The following ATG5 variants were observed in gnomAD, a reference collection of about 807,000 sequenced individuals.
ATG5 encodes autophagy related 5.
ATG5 carries 14 observed loss-of-function variants against 36.5 expected under a neutral mutation model. That is an observed-to-expected ratio of 0.38 (90% CI 0.25 to 0.60). The LOEUF (loss-of-function observed/expected upper bound fraction) is 0.60, where lower values mean the gene tolerates loss of function less well. ATG5 is among the 20% of genes least tolerant of loss of function. The pLI is 0.60. For missense variants in ATG5, 195 were observed against 326.7 expected (o/e 0.60, Z 3.11); for synonymous variants, 95 against 101.5 (o/e 0.94, Z 0.38).
At chr6:106,190,992 C>A (rs965888778) in intron 7 of ATG5, among the ~76,000 whole-genome samples, 1 of 152,082 alleles carries the variant, frequency 6.6e-6, no homozygotes, top group Admixed American at 6.5e-5. Flanking sequence ...ACTTGAATTC[C>A]AGTTCTGGCA....
At chr6:106,208,685 A>G (rs1411779688) in intron 6 of ATG5, among the ~76,000 whole-genome samples, 1 of 152,224 alleles carries the variant, frequency 6.6e-6, no homozygotes, top group East Asian at 1.9e-4. Flanking sequence ...AACAACAACA[A>G]CAGCTAAGCT....
intron 5 of ATG5, among the ~76,000 whole-genome samples, chr6:106,265,138 T>C (rs1009619244): frequency 1.1e-4 from 16 of 142,348 alleles, no homozygotes; most frequent in East Asian, 8.2e-4. Context: ...AATAAAGAGA[T>C]TGAGGAATAT....
chr6:106,188,554 T>G (rs780714869), intron 7 of ATG5, among the ~76,000 whole-genome samples: 6 of 152,154 alleles, frequency 3.9e-5, no homozygotes, highest in Non-Finnish European at 7.4e-5. Flanking sequence ...TGGTAAACAA[T>G]CCACTGATGA....
intron 5 of ATG5, among the ~76,000 whole-genome samples, chr6:106,264,442 C>G (rs1213221102): frequency 2.6e-5 from 4 of 152,012 alleles, no homozygotes. Flanking sequence ...GGAGAACTTC[C>G]CCCACCAAGC....
chr6:106,219,880 T>TC (rs1317078831), intron 6 of ATG5, among the ~76,000 whole-genome samples: 1 of 152,162 alleles, frequency 6.6e-6, no homozygotes, highest in African/African-American at 2.4e-5. Context: ...AAATACGGTT[T>TC]CCAAATGTGT....
At chr6:106,281,010 G>A (rs1330190357) in intron 4 of ATG5, among the ~76,000 whole-genome samples, 2 of 152,072 alleles carry the variant, frequency 1.3e-5, no homozygotes, top group East Asian at 3.9e-4. Flanking sequence ...ACAGCATTTA[G>A]TTATAGCCTA....
chr6:106,325,147 G>A (rs945769352), intron 1 of ATG5: 1 of 152,214 alleles, frequency 6.6e-6, no homozygotes. Context: ...TTGCTTGGAG[G>A]ACATACCCAC....
chr6:106,284,763 T>C (rs1780012360), intron 4 of ATG5, among the ~76,000 whole-genome samples: 1 of 151,762 alleles, frequency 6.6e-6, no homozygotes, highest in Non-Finnish European at 1.5e-5. Context: ...AAACCAGTTA[T>C]GCTGAACATC....
intron 5 of ATG5, among the ~76,000 whole-genome samples, chr6:106,258,874 TA>T (rs1778901863): frequency 6.6e-6 from 1 of 152,210 alleles, no homozygotes; most frequent in Admixed American, 6.5e-5. Flanking sequence ...TCATCTCCTG[TA>T]GTATTTAGAG....
At chr6:106,282,023 T>C (rs1779900929) in intron 4 of ATG5, among the ~76,000 whole-genome samples, 1 of 152,226 alleles carries the variant, frequency 6.6e-6, no homozygotes, top group Admixed American at 6.5e-5. Flanking sequence ...AGAGAACAAG[T>C]TGAGTATAAT....
chr6:106,230,758 C>A (rs1273946268), intron 6 of ATG5, among the ~76,000 whole-genome samples: 2 of 152,084 alleles, frequency 1.3e-5, no homozygotes, highest in Admixed American at 6.5e-5. Flanking sequence ...AAGACATATT[C>A]TTCTGCAGTA....
intron 6 of ATG5, among the ~76,000 whole-genome samples, chr6:106,207,302 A>G (rs539818382): frequency 6.6e-6 from 1 of 152,362 alleles, no homozygotes; most frequent in East Asian, 1.9e-4. Context: ...GCTCAGAGAT[A>G]TATTGAAGAA....
intron 3 of ATG5, among the ~76,000 whole-genome samples, chr6:106,301,061 T>C (rs1770187210): frequency 6.6e-6 from 1 of 151,996 alleles, no homozygotes; most frequent in African/African-American, 2.4e-5. Context: ...AATTCTAATA[T>C]AAAACTAACA....
At chr6:106,251,666 A>AGGGAGGGG (rs1778587792) in intron 5 of ATG5, among the ~76,000 whole-genome samples, 1 of 35,772 alleles carries the variant, frequency 2.8e-5, no homozygotes, top group Non-Finnish European at 5.8e-5. Context: ...GGAGGAAGGG[A>AGGGAGGGG]GGGGGAGGGG....
At chr6:106,186,958 A>G (rs1279424151) in intron 7 of ATG5, among the ~76,000 whole-genome samples, 1 of 152,238 alleles carries the variant, frequency 6.6e-6, no homozygotes, top group Non-Finnish European at 1.5e-5. Context: ...ACGTTAATGA[A>G]ACTGTAGTGG....
intron 6 of ATG5, among the ~76,000 whole-genome samples, chr6:106,205,709 T>C (rs1428822267): frequency 6.6e-6 from 1 of 152,120 alleles, no homozygotes; most frequent in African/African-American, 2.4e-5. Flanking sequence ...CTTTCCCAAA[T>C]CTGAGCAAGT....
chr6:106,250,201 GAATCC>G (rs1778516931), intron 5 of ATG5, among the ~76,000 whole-genome samples: 1 of 152,096 alleles, frequency 6.6e-6, no homozygotes, highest in East Asian at 1.9e-4. Flanking sequence ...AGACCTGTTT[GAATCC>G]AATCTACTGG....
intron 7 of ATG5, among the ~76,000 whole-genome samples, chr6:106,196,563 A>G (rs1486265583): frequency 2.0e-5 from 3 of 152,122 alleles, no homozygotes; most frequent in Non-Finnish European, 4.4e-5. Flanking sequence ...GTCTCTACCA[A>G]ATATACAAAA....
intron 6 of ATG5, among the ~76,000 whole-genome samples, chr6:106,247,280 C>T (rs1190606357): frequency 6.6e-6 from 1 of 151,962 alleles, no homozygotes; most frequent in Non-Finnish European, 1.5e-5. Context: ...ATGCTTTTCT[C>T]ATTAATAGTA....
Sources: gnomAD v4.1 joint callset for allele counts (sites outside exome capture counted in the v4.1 genomes callset) on GRCh38, gnomAD v4.1.1 for gene constraint, MANE v1.5 for transcripts, NCBI Gene and HGNC (gene_info 2026-07-23, HGNC 2026-07-21) for gene names.